Variants in TRIML2 observed in about 807,000 individuals in gnomAD.
TRIML2 encodes the protein probable E3 ubiquitin-protein ligase TRIML2.
In TRIML2, 28 loss-of-function variants were observed where a neutral mutation model predicts 31.2. The observed-to-expected ratio is 0.90, with a 90% CI of 0.66 to 1.23. The LOEUF (loss-of-function observed/expected upper bound fraction) is 1.23, where lower values mean the gene tolerates loss of function less well. TRIML2 is among the 50% of genes most tolerant of loss of function. The probability of loss-of-function intolerance (pLI) is 0.00; values close to 1 mark genes in which losing one functional copy is unlikely to be tolerated. For missense variants in TRIML2, 536 were observed against 528.3 expected (o/e 1.01, Z -0.14); for synonymous variants, 187 against 197.5 (o/e 0.95, Z 0.45).
chr4:188,102,464 C>T (rs142393870), intron 3 of TRIML2, among the ~76,000 whole-genome samples: 43 of 152,228 alleles, frequency 2.8e-4, no homozygotes, highest in East Asian at 2.1e-3. Flanking sequence ...GGAAATTGGA[C>T]ATGAAGCCTA....
chr4:188,100,962 T>C (rs759979361), intron 4 of TRIML2, 94 bp downstream of exon 4: 1 of 1,145,014 alleles, frequency 8.7e-7, no homozygotes, highest in Non-Finnish European at 1.2e-6. Flanking sequence ...ACATGTGTGG[T>C]TGTCACTGGC....
chr4:188,095,431 T>A (rs1327003476), intron 7 of TRIML2, among the ~76,000 whole-genome samples: 2 of 152,110 alleles, frequency 1.3e-5, no homozygotes, highest in Non-Finnish European at 2.9e-5. Flanking sequence ...TCAAGAGACA[T>A]ACAACCCAAT....
At chr4:188,100,466 T>C (rs536400934) in intron 4 of TRIML2, among the ~76,000 whole-genome samples, 10 of 152,106 alleles carry the variant, frequency 6.6e-5, no homozygotes, top group Non-Finnish European at 1.5e-4. Flanking sequence ...CTCACGCCTG[T>C]AATCCCAGCA....
intron 4 of TRIML2, among the ~76,000 whole-genome samples, chr4:188,100,845 A>G (rs924973734): frequency 2.0e-5 from 3 of 152,192 alleles, no homozygotes; most frequent in African/African-American, 4.8e-5. Flanking sequence ...TAATATGTGT[A>G]CAAATATATT....
rs778131987 is a variant in TRIML2, at chr4:188,091,789, T to G, written c.898A>C (p.Thr300Pro). ...SAMVLAAESFTSGRHYWEVDV... is the reference protein window; with the variant it reads ...SAMVLAAESFPSGRHYWEVDV... ...ACCTCCCAGTAGTGCCTCCCTGAGG[T>G]GAAGCTCTCCGCAGCCAGCACCATG... is the stretch of plus-strand genomic sequence containing the variant. Residue 300 changes from threonine (T) to proline (P), a missense_variant, in exon 8 of 8, where the codon ACC becomes CCC. Coordinates refer to ENST00000682553, the MANE Select transcript of TRIML2 (RefSeq NM_173553.4). 6.2e-7 allele frequency: 1 copy of G among 1,614,072 alleles called. No homozygotes were observed.
chr4:188,092,321 G>C (rs1733302099), intron 7 of TRIML2, among the ~76,000 whole-genome samples: 2 of 152,054 alleles, frequency 1.3e-5, no homozygotes, highest in African/African-American at 4.8e-5. Flanking sequence ...AAGTAGCCGA[G>C]TGTGGTGGCA....
chr4:188,097,475 T>TA, intron 5 of TRIML2, 129 bp from the exon 6 acceptor site: 1 of 832,260 alleles, frequency 1.2e-6, no homozygotes, highest in South Asian at 1.6e-5. Context: ...TAATGCTAGT[T>TA]ATCAGATGAA....
chr4:188,105,321 A>G lies in TRIML2; in HGVS notation c.48T>C (p.Asp16=). The change falls in exon 2 of 8, where the codon GAT becomes GAC. Residue 16 remains aspartate, a synonymous_variant. Coordinates refer to ENST00000682553, the MANE Select transcript of TRIML2 (RefSeq NM_173553.4). ...GTTCCAGGTGTGTTTCACAATAGGC[A>G]TCTTCTGTGATGTTGTGCTGTAACT... is the stretch of plus-strand genomic sequence containing the variant. ...SPQLQHNITE[D]AYCETHLEPT... 1.2e-6 allele frequency: 2 copies of G among 1,603,792 alleles called. No homozygotes were observed. The highest frequency in any genetic ancestry group is 1.7e-6 in the Non-Finnish European group (2 of 1,172,640).
rs555355873 is a variant in TRIML2, at chr4:188,093,350, C to A, written c.746-1409G>T. 7.2e-5 allele frequency among the ~76,000 whole-genome samples: 11 copies of A among 152,238 alleles called. No individual in the cohort carries two copies. In the South Asian group the frequency reaches 8.3e-4, roughly 11 times the overall value. The stretch of plus-strand genomic sequence containing the variant: ...ACTCTCAGTATTTCCAGGAGACTGG[C>A]AGAAACAAATGCAAATTATCTCTGG... On this transcript the variant is annotated intron_variant, in intron 7 of 7. Coordinates refer to ENST00000682553, the MANE Select transcript of TRIML2 (RefSeq NM_173553.4).
chr4:188,102,597 T>A (rs1256755218), intron 3 of TRIML2, among the ~76,000 whole-genome samples: 2 of 152,052 alleles, frequency 1.3e-5, no homozygotes, highest in Non-Finnish European at 2.9e-5. Context: ...ACGTCTGTAA[T>A]CCCAGCACTT....
Position 188,091,927 on chromosome 4 carries a change from C to T in TRIML2, c.760G>A (p.Asp254Asn), listed in dbSNP as rs141712858. The T allele has an allele frequency of 3.4e-4, 544 of 1,609,894 alleles. 1 individual carries two copies. The highest frequency in any genetic ancestry group is 4.3e-4 in the Non-Finnish European group (507 of 1,179,634). The change falls in exon 8 of 8, where the codon GAT becomes AAT. Residue 254 changes from aspartate to asparagine, a missense_variant. Physicochemically the swap from Asp to Asn is conservative, Grantham distance 23. Transcript: ENST00000682553. ...FRVLQRHLTL[D>N]PETAHPCLAL... ...AGGCAGGGATGAGCTGTTTCAGGAT[C>T]CAATGTTAAATGTCCTATCAGGAGA... is the stretch of plus-strand genomic sequence containing the variant.
chr4:188,097,447 G>T, intron 5 of TRIML2, 101 bp from the exon 6 acceptor site: 1 of 1,118,862 alleles, frequency 8.9e-7, no homozygotes, highest in Non-Finnish European at 1.3e-6. Flanking sequence ...CAATTTCCAT[G>T]TCATTTCTTC....
chr4:188,101,492 G>A (rs1039085284), intron 3 of TRIML2, among the ~76,000 whole-genome samples: 1 of 151,706 alleles, frequency 6.6e-6, no homozygotes, highest in Non-Finnish European at 1.5e-5. Flanking sequence ...TCAGGAGATC[G>A]AGACCATACT....
At position 188,091,522 on chromosome 4, in the gene TRIML2, T is replaced by C; in HGVS notation, c.1165A>G (p.Met389Val). ...TGGGAGAAATTGTAAATGAGGGACA[T>C]CTCGGTCACATTGTAGAATGATATC... ...GQISFYNVTE[M>V]SLIYNFSHCA... is the part of the protein sequence containing the mutation. The change falls in exon 8 of 8, where the codon ATG becomes GTG. Residue 389 changes from methionine (M) to valine (V), a missense_variant. Coordinates refer to ENST00000682553, the MANE Select transcript of TRIML2 (RefSeq NM_173553.4). The C allele has an allele frequency of 6.2e-7, 1 of 1,614,120 alleles. No individual in the cohort carries two copies. The highest frequency in any genetic ancestry group is 8.5e-7 in the Non-Finnish European group (1 of 1,180,036).
At chr4:188,103,763 T>G (rs898548557) in intron 3 of TRIML2, among the ~76,000 whole-genome samples, 30 of 152,334 alleles carry the variant, frequency 2.0e-4, no homozygotes, top group Non-Finnish European at 7.3e-5. Context: ...AGAGCTGGTT[T>G]TTTTTGTTTT....
At chr4:188,093,011 C>A in intron 7 of TRIML2, 1 of 375,748 alleles carries the variant, frequency 2.7e-6, no homozygotes, top group African/African-American at 2.1e-5. Flanking sequence ...TTGTGACTCG[C>A]TCCATAAACA....
At chr4:188,094,107 A>C (rs28843501) in intron 7 of TRIML2, among the ~76,000 whole-genome samples, 17,374 of 144,148 alleles carry the variant, frequency 0.12, 1,902 homozygotes, top group East Asian at 0.55. Context: ...CAAAAACAAA[A>C]ACAAAAACAA....
chr4:188,102,363 A>T (rs1174637651), intron 3 of TRIML2, among the ~76,000 whole-genome samples: 2 of 152,100 alleles, frequency 1.3e-5, no homozygotes, highest in Non-Finnish European at 2.9e-5. Flanking sequence ...ATCTATGGAA[A>T]GGCTGGATTC....
chr4:188,095,838 A>T (rs1483983100), intron 7 of TRIML2, among the ~76,000 whole-genome samples: 2 of 152,232 alleles, frequency 1.3e-5, no homozygotes, highest in Non-Finnish European at 2.9e-5. Context: ...GTATATTTAT[A>T]CAATGGAATA....
Sources: gnomAD v4.1 joint callset for allele counts (sites outside exome capture counted in the v4.1 genomes callset) on GRCh38, gnomAD v4.1.1 for gene constraint, MANE v1.5 for transcripts, NCBI Gene and HGNC (gene_info 2026-07-23, HGNC 2026-07-21) for gene names.